Variants in SGCZ observed in about 807,000 individuals in gnomAD.
SGCZ encodes the protein zeta-sarcoglycan.
A neutral mutation model predicts 41.3 loss-of-function variants in SGCZ; 40 were observed. The ratio of observed to expected loss-of-function variants is 0.97; its 90% CI spans 0.75 to 1.26. The LOEUF is 1.26. Among genes scored for constraint, SGCZ ranks in the 50% most tolerant of loss-of-function variants. SGCZ has a pLI of 0.00. For synonymous variants in SGCZ, 206 were observed against 137.5 expected (o/e 1.50, Z -3.49); for missense variants, 552 against 369.8 (o/e 1.49, Z -4.04).
At chr8:14,145,036 C>T (rs1248770703) in intron 5 of SGCZ, among the ~76,000 whole-genome samples, 3 of 152,300 alleles carry the variant, frequency 2.0e-5, no homozygotes, top group African/African-American at 4.8e-5. Context: ...TCTGGATCTA[C>T]CTGAGGCCCA....
intron 1 of SGCZ, among the ~76,000 whole-genome samples, chr8:15,235,912 C>G (rs767014897): frequency 2.0e-5 from 3 of 152,176 alleles, no homozygotes; most frequent in Non-Finnish European, 4.4e-5. Context: ...ACCCCTTCTC[C>G]CAAGAGACTG....
intron 1 of SGCZ, among the ~76,000 whole-genome samples, chr8:14,568,509 T>C (rs565417886): frequency 3.3e-5 from 5 of 152,148 alleles, no homozygotes; most frequent in African/African-American, 1.2e-4. Context: ...GGAGGATTTA[T>C]ATGTCATACT....
chr8:14,857,951 G>A (rs1048941478), intron 1 of SGCZ, among the ~76,000 whole-genome samples: 12 of 152,068 alleles, frequency 7.9e-5, no homozygotes, highest in African/African-American at 2.4e-4. Context: ...TTTGGAATGG[G>A]CAAGATTCAA....
At chr8:14,469,882 C>A (rs578112037) in intron 2 of SGCZ, among the ~76,000 whole-genome samples, 1 of 152,138 alleles carries the variant, frequency 6.6e-6, no homozygotes, top group South Asian at 2.1e-4. Flanking sequence ...TCCCATATAT[C>A]TTGTCCTGTG....
At chr8:14,284,275 C>T (rs1800544693) in intron 3 of SGCZ, among the ~76,000 whole-genome samples, 1 of 152,150 alleles carries the variant, frequency 6.6e-6, no homozygotes, top group African/African-American at 2.4e-5. Context: ...AGCTTTTGAT[C>T]TCAGATACTC....
At chr8:14,863,497 G>C (rs527337436) in intron 1 of SGCZ, among the ~76,000 whole-genome samples, 73 of 152,096 alleles carry the variant, frequency 4.8e-4, no homozygotes, top group South Asian at 1.5e-3. Flanking sequence ...GCTATAAATA[G>C]TGAGGTTTCT....
intron 4 of SGCZ, among the ~76,000 whole-genome samples, chr8:14,183,388 C>T (rs1383776589): frequency 1.3e-5 from 2 of 152,080 alleles, no homozygotes; most frequent in East Asian, 3.8e-4. Flanking sequence ...GGGAAACACT[C>T]TCCAACAGAT....
intron 4 of SGCZ, among the ~76,000 whole-genome samples, chr8:14,212,426 C>T (rs1805840217): frequency 6.6e-6 from 1 of 150,602 alleles, no homozygotes; most frequent in African/African-American, 2.5e-5. Flanking sequence ...GATGATCCCC[C>T]TGCCTCTTCA....
chr8:14,807,479 A>C (rs904133464), intron 1 of SGCZ, among the ~76,000 whole-genome samples: 3 of 152,102 alleles, frequency 2.0e-5, no homozygotes, highest in African/African-American at 7.2e-5. Context: ...TCCCATTCAC[A>C]ATTGCTTCAA....
chr8:14,986,559 G>C (rs1801830814), intron 1 of SGCZ, among the ~76,000 whole-genome samples: 1 of 151,984 alleles, frequency 6.6e-6, no homozygotes, highest in East Asian at 1.9e-4. Flanking sequence ...CTTTCGAACA[G>C]GTAGAAATCT....
chr8:14,444,881 C>G (rs1417204472), intron 2 of SGCZ, among the ~76,000 whole-genome samples: 2 of 152,064 alleles, frequency 1.3e-5, no homozygotes, highest in East Asian at 3.9e-4. Context: ...CTGTTAATAC[C>G]TGTGGGACTA....
At chr8:14,918,194 C>A (rs192130172) in intron 1 of SGCZ, among the ~76,000 whole-genome samples, 1 of 152,042 alleles carries the variant, frequency 6.6e-6, no homozygotes, top group Admixed American at 6.5e-5. Context: ...ATCCCTATAA[C>A]GGAGAATTAA....
intron 1 of SGCZ, among the ~76,000 whole-genome samples, chr8:14,864,795 T>C (rs1009967431): frequency 8.5e-5 from 13 of 152,146 alleles, no homozygotes; most frequent in Non-Finnish European, 1.9e-4. Flanking sequence ...ACCAACAGTA[T>C]ATAAGAGCTC....
chr8:14,716,912 T>C (rs1052923211), intron 1 of SGCZ, among the ~76,000 whole-genome samples: 1 of 152,102 alleles, frequency 6.6e-6, no homozygotes, highest in South Asian at 2.1e-4. Flanking sequence ...TTTCAAAATA[T>C]CCATCTAATA....
At chr8:14,204,195 A>T (rs749897311) in intron 4 of SGCZ, among the ~76,000 whole-genome samples, 1 of 152,100 alleles carries the variant, frequency 6.6e-6, no homozygotes, top group Non-Finnish European at 1.5e-5. Flanking sequence ...AAACGAAAGA[A>T]ATAGATGGGG....
chr8:14,184,981 G>C (rs73664164), intron 4 of SGCZ, among the ~76,000 whole-genome samples: 12,382 of 152,170 alleles, frequency 0.081, 773 homozygotes, highest in African/African-American at 0.16. Context: ...TATTGACTAA[G>C]GGGTAGTAAT....
intron 1 of SGCZ, among the ~76,000 whole-genome samples, chr8:15,127,261 AACAC>A (rs376177614): frequency 7.2e-5 from 4 of 55,368 alleles, no homozygotes; most frequent in African/African-American, 2.9e-4. Context: ...CACACAAACA[AACAC>A]ACACACACAC....
chr8:14,572,077 A>G (rs976198384), intron 1 of SGCZ, among the ~76,000 whole-genome samples: 1 of 152,238 alleles, frequency 6.6e-6, no homozygotes, highest in Non-Finnish European at 1.5e-5. Flanking sequence ...GGATGAATTT[A>G]AAAGCACTTA....
chr8:15,034,637 G>A (rs1803804979), intron 1 of SGCZ, among the ~76,000 whole-genome samples: 1 of 152,106 alleles, frequency 6.6e-6, no homozygotes, highest in Admixed American at 6.5e-5. Flanking sequence ...TTCAATCCAA[G>A]CAAGACTACA....
Sources: allele counts gnomAD v4.1 joint callset (sites outside exome capture counted in the v4.1 genomes callset), GRCh38; gene constraint gnomAD v4.1.1; transcripts MANE v1.5; gene names NCBI Gene and HGNC (gene_info 2026-07-23, HGNC 2026-07-21).